The following TCTN2 variants were observed in gnomAD, a reference collection of about 807,000 sequenced individuals.
The protein encoded by TCTN2 is tectonic family member 2.
TCTN2 carries 66 observed loss-of-function variants against 83.4 expected under a neutral mutation model. The observed-to-expected ratio is 0.79, with a 90% CI of 0.65 to 0.97. TCTN2 has a LOEUF of 0.97. Among genes scored for constraint, TCTN2 ranks in the 50% least tolerant of loss-of-function variants. TCTN2 has a pLI of 0.00. For synonymous variants in TCTN2, 301 were observed against 326.7 expected, an observed-to-expected ratio of 0.92 and a Z score of 0.85; for missense variants, 794 against 858.1, an observed-to-expected ratio of 0.93 and a Z score of 0.93.
Position 123,692,714 on chromosome 12 carries a change from A to C in TCTN2, c.1090A>C (p.Thr364Pro). 1 of 1,612,536 alleles carries C rather than the reference A, an allele frequency of 6.2e-7. No homozygotes were observed. The highest frequency in any genetic ancestry group is 2.2e-5 in the East Asian group (1 of 44,882). The change falls in exon 9 of 18, where the codon ACC (threonine) becomes CCC (proline). Residue 364 changes from threonine (T) to proline (P), a missense_variant. Transcript: ENST00000303372. ...AGCAACTGACCTAGACAAATTCATC[A>C]CCAATACAGGTATTTAATGTTACAC... ...EEATDLDKFI[T>P]NTETPLNNGS...
At chr12:123,703,741 T>C (rs1368203321) in intron 14 of TCTN2, among the ~76,000 whole-genome samples, 1 of 152,166 alleles carries the variant, frequency 6.6e-6, no homozygotes, top group Non-Finnish European at 1.5e-5. Flanking sequence ...GCTTCTACCT[T>C]GACCTCCCAA....
rs983291114 is a variant in TCTN2 at position 123,708,007 on chromosome 12, CTTTTT to C, written c.*313_*317del. The C allele has an allele frequency of 3.8e-3, 810 of 213,090 alleles. No individual in the cohort carries two copies. The highest frequency in any genetic ancestry group is 7.1e-3 in the South Asian group (148 of 20,702). 13.2% of individuals were successfully genotyped at this position (213,090 alleles called of 1,614,324 possible). A position where few individuals can be genotyped will look rare whatever the true frequency, so the allele number is the denominator to read the frequency against. On this transcript the variant is annotated 3_prime_UTR_variant, in exon 18 of 18. Transcript: ENST00000303372. ...ACAGGCATGAGCCACCGCACCCGGCCTTTTTTTTTTTTTTTTTTTTTTTGAGGCGG... is the reference window on the plus strand; with the variant it reads ...ACAGGCATGAGCCACCGCACCCGGCCTTTTTTTTTTTTTTTTTTGAGGCGG...
rs73418103 is a variant in TCTN2 at position 123,672,291 on chromosome 12, G to A, written c.267+159G>A. ...TCTGGTAGACACTTATCCAGCCCACGGGTTCCTTACCCTGGGGTTAGGAGT... is the reference window on the plus strand; with the variant it reads ...TCTGGTAGACACTTATCCAGCCCACAGGTTCCTTACCCTGGGGTTAGGAGT... On this transcript the variant is annotated intron_variant, in intron 3 of 17. Coordinates refer to ENST00000303372, the MANE Select transcript of TCTN2 (RefSeq NM_024809.5). 0.042 allele frequency among the ~76,000 whole-genome samples: 6,360 copies of A among 152,214 alleles called. 227 individuals are homozygous for A. Among genetic ancestry groups the A allele is most frequent in the African/African-American group, 0.09 (3,733 of 41,516 alleles).
intron 13 of TCTN2, among the ~76,000 whole-genome samples, chr12:123,697,651 C>T (rs1224436845): frequency 2.0e-5 from 3 of 152,040 alleles, no homozygotes; most frequent in Non-Finnish European, 4.4e-5. Context: ...AGGCATGCAC[C>T]ACCACGCCTG....
At chr12:123,701,731 A>G (rs1956175186) in intron 14 of TCTN2, among the ~76,000 whole-genome samples, 1 of 151,518 alleles carries the variant, frequency 6.6e-6, no homozygotes, top group African/African-American at 2.4e-5. Flanking sequence ...CGACAGAGCA[A>G]GACTCCGTCT....
At chr12:123,687,116 C>T (rs1955981416) in intron 6 of TCTN2, 81 bp downstream of exon 6, 12 of 1,538,802 alleles carry the variant, frequency 7.8e-6, no homozygotes, top group East Asian at 6.7e-5. Flanking sequence ...CCCTGCAACG[C>T]GGTCACGTTT....
Position 123,699,935 on chromosome 12 carries a change from G to C in TCTN2, c.1612+125G>C, listed in dbSNP as rs73219037. ...AGGCTTGACTGCGGCTTAACTGGACGTTTGCCCAGGGGTTAGATCTCCAGG... is the reference window on the plus strand; with the variant it reads ...AGGCTTGACTGCGGCTTAACTGGACCTTTGCCCAGGGGTTAGATCTCCAGG... On this transcript the variant is annotated intron_variant, in intron 14 of 17. Transcript: ENST00000303372. The C allele has an allele frequency of 0.34, 264,242 of 769,816 alleles. 48,489 individuals carry two copies. The highest frequency in any genetic ancestry group is 0.41 in the African/African-American group (23,994 of 58,002). The allele number at this position is 769,816 out of a possible 1,614,324, so 47.7% of individuals were successfully genotyped here.
In TCTN2 at chr12:123,693,214, C is replaced by T. The variant is rs560316112; in HGVS notation, c.1099+491C>T. Among the ~76,000 whole-genome samples, 11 of 150,934 alleles carry T rather than the reference C, an allele frequency of 7.3e-5. No individual in the cohort carries two copies. In the South Asian group the frequency reaches 2.3e-3, roughly 32 times the overall value. On this transcript the variant is annotated intron_variant, in intron 9 of 17. Coordinates refer to ENST00000303372, the MANE Select transcript of TCTN2 (RefSeq NM_024809.5). ...GCTAATTTTGTATTTTTAGTAGAGA[C>T]GGGGTTTCTCCCTGTTGGTCAGGCT...
chr12:123,680,706 G>A (rs892229097), intron 5 of TCTN2, among the ~76,000 whole-genome samples: 1 of 150,898 alleles, frequency 6.6e-6, no homozygotes. Flanking sequence ...TAGTAGAGGC[G>A]GGGTTTCACC....
intron 6 of TCTN2, 64 bp downstream of exon 6, chr12:123,687,099 T>C (rs1366771962): frequency 1.3e-6 from 2 of 1,569,528 alleles, no homozygotes; most frequent in East Asian, 2.2e-5. Context: ...GGCCATACTC[T>C]AGTAGGCCCT....
chr12:123,699,967 A>G, intron 14 of TCTN2, 157 bp downstream of exon 14: 1 of 695,600 alleles, frequency 1.4e-6, no homozygotes, highest in Admixed American at 2.2e-5. Context: ...CAGGCAGGAA[A>G]CTTGGCATGT....
intron 15 of TCTN2, among the ~76,000 whole-genome samples, chr12:123,705,494 T>G (rs955481617): frequency 3.3e-5 from 5 of 152,124 alleles, no homozygotes; most frequent in Admixed American, 6.5e-5. Flanking sequence ...AGGCGCCCAG[T>G]TCATACTGAC....
chr12:123,686,418 A>G (rs112221861), intron 5 of TCTN2, among the ~76,000 whole-genome samples: 3,196 of 152,278 alleles, frequency 0.021, 96 homozygotes, highest in African/African-American at 0.054. Context: ...TCCTTGTGGA[A>G]TATGGAACGT....
At position 123,707,898 on chromosome 12, in the gene TCTN2, C is replaced by G; in HGVS notation, c.*185C>G. The G allele has an allele frequency of 1.6e-6, 1 of 607,178 alleles. No individual in the cohort carries two copies. Among genetic ancestry groups the G allele is most frequent in the Non-Finnish European group, 3.0e-6 (1 of 337,388 alleles). 37.6% of individuals were successfully genotyped at this position (607,178 alleles called of 1,614,324 possible). A position where few individuals can be genotyped will look rare whatever the true frequency, so the allele number is the denominator to read the frequency against. On this transcript the variant is annotated 3_prime_UTR_variant, in exon 18 of 18. Coordinates refer to ENST00000303372, the MANE Select transcript of TCTN2 (RefSeq NM_024809.5). ...GCTAATTTTGTATTTTTAGTAGAGA[C>G]AGGGTTCCACCGTATTGGCCAGGCT...
chr12:123,708,007 CTTTTTTTTT>C lies in TCTN2; in HGVS notation c.*309_*317del, dbSNP rs983291114. ...ACAGGCATGAGCCACCGCACCCGGCCTTTTTTTTTTTTTTTTTTTTTTTGAGGCGGGGTC... is the reference window on the plus strand; with the variant it reads ...ACAGGCATGAGCCACCGCACCCGGCCTTTTTTTTTTTTTTGAGGCGGGGTC... On this transcript the variant is annotated 3_prime_UTR_variant, in exon 18 of 18. Coordinates refer to ENST00000303372, the MANE Select transcript of TCTN2 (RefSeq NM_024809.5). 1.4e-5 allele frequency: 3 copies of C among 213,664 alleles called. No individual in the cohort carries two copies. Among genetic ancestry groups the C allele is most frequent in the South Asian group, 9.6e-5 (2 of 20,882 alleles). The allele number at this position is 213,664 out of a possible 1,614,324, so 13.2% of individuals were successfully genotyped here.
At chr12:123,672,544 T>C (rs73418107) in intron 3 of TCTN2, among the ~76,000 whole-genome samples, 2,847 of 151,456 alleles carry the variant, frequency 0.019, 33 homozygotes, top group South Asian at 0.031. Context: ...CAGACCAGCC[T>C]GTAACATAGC....
rs983291114 is a variant in TCTN2, at chr12:123,708,007, C to CTT, written c.*316_*317dup. 0.013 allele frequency: 2,713 copies of CTT among 212,586 alleles called. No individual in the cohort carries two copies. Among genetic ancestry groups the CTT allele is most frequent in the South Asian group, 0.022 (450 of 20,630 alleles). 13.2% of individuals were successfully genotyped at this position (212,586 alleles called of 1,614,324 possible). A position where few individuals can be genotyped will look rare whatever the true frequency, so the allele number is the denominator to read the frequency against. ...ACAGGCATGAGCCACCGCACCCGGC[C>CTT]TTTTTTTTTTTTTTTTTTTTTTTGA... On this transcript the variant is annotated 3_prime_UTR_variant, in exon 18 of 18. Coordinates refer to ENST00000303372, the MANE Select transcript of TCTN2 (RefSeq NM_024809.5).
chr12:123,694,283 G>A (rs1009308123), intron 9 of TCTN2, among the ~76,000 whole-genome samples: 1 of 152,006 alleles, frequency 6.6e-6, no homozygotes. Flanking sequence ...GTGAGCCACC[G>A]CACCCGGCCT....
In TCTN2 at chr12:123,671,303, G is replaced by T; in HGVS notation, c.63G>T (p.Arg21Ser). Residue 21 changes from arginine (R) to serine (S), a missense_variant, in exon 1 of 18, where the codon AGG (arginine) becomes AGT (serine). By Grantham distance (110) the Arg-to-Ser change is moderately radical. Coordinates refer to ENST00000303372, the MANE Select transcript of TCTN2 (RefSeq NM_024809.5). ...LRLFLLQGIL[R>S]LLWGDLAFIP... Reference sequence around the variant, plus strand: ...TTTTCCTTCTGCAGGGCATCCTGAGGCTTCTGTGGGGGGACCTGGGTGTGT... The same window carrying T: ...TTTTCCTTCTGCAGGGCATCCTGAGTCTTCTGTGGGGGGACCTGGGTGTGT... 3.7e-6 allele frequency: 6 copies of T among 1,613,888 alleles called. No individual in the cohort carries two copies. The highest frequency in any genetic ancestry group is 5.1e-6 in the Non-Finnish European group (6 of 1,179,986).
Sources: allele counts gnomAD v4.1 joint callset (sites outside exome capture counted in the v4.1 genomes callset), GRCh38; gene constraint gnomAD v4.1.1; transcripts MANE v1.5; gene names NCBI Gene and HGNC (gene_info 2026-07-23, HGNC 2026-07-21).